ACSL3: variants seen among roughly 807,000 people sequenced by gnomAD.
ACSL3 encodes the protein fatty acid CoA ligase Acsl3.
Under a neutral mutation model 84.7 loss-of-function variants are expected in ACSL3, and 34 were observed. The ratio of observed to expected loss-of-function variants is 0.40; its 90% CI spans 0.31 to 0.53. ACSL3 has a LOEUF of 0.53. ACSL3 is among the 20% of genes least tolerant of loss of function. ACSL3 has a pLI of 0.48. For missense variants in ACSL3, 680 were observed against 873.1 expected (o/e 0.78, Z 2.79); for synonymous variants, 315 against 299.4 (o/e 1.05, Z -0.54).
chr2:222,933,464 C>CT, intron 15 of ACSL3, 184 bp downstream of exon 15: 1 of 501,820 alleles, frequency 2.0e-6, no homozygotes, highest in Admixed American at 3.6e-5. Flanking sequence ...TTCCCCTGAT[C>CT]TTTCTCTCTG....
rs1697383432 is a variant in ACSL3, at chr2:222,943,592, C to CTA, written c.*1940_*1941dup. 1 of 154,174 alleles carries CTA rather than the reference C, an allele frequency of 6.5e-6. No individual in the cohort carries two copies. Among genetic ancestry groups the CTA allele is most frequent in the Non-Finnish European group, 1.4e-5 (1 of 69,276 alleles). The allele number at this position is 154,174 out of a possible 1,614,324, so 9.6% of individuals were successfully genotyped here. On this transcript the variant is annotated 3_prime_UTR_variant, in exon 17 of 17. Coordinates refer to ENST00000357430, the MANE Select transcript of ACSL3 (RefSeq NM_004457.5). The stretch of plus-strand genomic sequence containing the variant: ...CCATCTAATGAGGCAGGCTTAAACT[C>CTA]TATTTAGTTTCGTTTGTTTTCTCAT...
At chr2:222,871,985 A>G (rs2106085057) in intron 1 of ACSL3, among the ~76,000 whole-genome samples, 1 of 151,190 alleles carries the variant, frequency 6.6e-6, no homozygotes, top group African/African-American at 2.4e-5. Context: ...GTTTTTGGTG[A>G]ACATAATAGT....
chr2:222,864,529 C>T (rs911389610), intron 1 of ACSL3, among the ~76,000 whole-genome samples: 5 of 152,078 alleles, frequency 3.3e-5, no homozygotes, highest in Non-Finnish European at 7.4e-5. Flanking sequence ...CTGTGGAATG[C>T]TCCTATGAGA....
rs142239636 is a variant in ACSL3 at position 222,899,851 on chromosome 2, G to T, written c.-147-823G>T. Reference sequence around the variant, plus strand: ...AAATTAGGAATGCCTTTGTTCTCCAGATATCGGGATATCTGGACACTCCCA... The same window carrying T: ...AAATTAGGAATGCCTTTGTTCTCCATATATCGGGATATCTGGACACTCCCA... On this transcript the variant is annotated intron_variant, in intron 2 of 16. Coordinates refer to ENST00000357430, the MANE Select transcript of ACSL3 (RefSeq NM_004457.5). 2.6e-5 allele frequency among the ~76,000 whole-genome samples: 4 copies of T among 152,222 alleles called. No individual in the cohort carries two copies. In the East Asian group the frequency reaches 7.7e-4, roughly 29 times the overall value.
At chr2:222,901,487 A>G (rs114799267) in intron 3 of ACSL3, among the ~76,000 whole-genome samples, 1,916 of 67,048 alleles carry the variant, frequency 0.029, 45 homozygotes, top group African/African-American at 0.11. Context: ...AAGACATATA[A>G]GTCATCCAAG....
At chr2:222,869,356 C>A (rs957411319) in intron 1 of ACSL3, among the ~76,000 whole-genome samples, 1 of 152,138 alleles carries the variant, frequency 6.6e-6, no homozygotes, top group African/African-American at 2.4e-5. Context: ...CTCTGGCTCC[C>A]CTGTCTTCTC....
chr2:222,873,285 A>G (rs966445147), intron 1 of ACSL3, among the ~76,000 whole-genome samples: 3 of 152,320 alleles, frequency 2.0e-5, no homozygotes, highest in South Asian at 2.1e-4. Flanking sequence ...TTGTTCGCCT[A>G]TTAAGGCCAA....
At chr2:222,907,657 T>A (rs1476859342) in intron 3 of ACSL3, among the ~76,000 whole-genome samples, 1 of 151,846 alleles carries the variant, frequency 6.6e-6, no homozygotes, top group Non-Finnish European at 1.5e-5. Context: ...CCCAACTGTT[T>A]GGGAGGCTGA....
chr2:222,939,586 G>A (rs1053200478), intron 16 of ACSL3, among the ~76,000 whole-genome samples: 1 of 152,198 alleles, frequency 6.6e-6, no homozygotes, highest in East Asian at 1.9e-4. Context: ...CACCCCAGAA[G>A]TCAGAATATT....
At chr2:222,931,983 C>T (rs1364460282) in intron 14 of ACSL3, among the ~76,000 whole-genome samples, 7 of 152,076 alleles carry the variant, frequency 4.6e-5, no homozygotes, top group African/African-American at 7.2e-5. Context: ...CCCAGGAGGC[C>T]GTGATTGTGC....
chr2:222,907,763 A>G (rs1696330712), intron 3 of ACSL3, among the ~76,000 whole-genome samples: 1 of 151,894 alleles, frequency 6.6e-6, no homozygotes, highest in Non-Finnish European at 1.5e-5. Flanking sequence ...CTTTAAAAAA[A>G]AAAAAAAAAA....
At chr2:222,938,618 A>C (rs1373634823) in intron 16 of ACSL3, among the ~76,000 whole-genome samples, 2 of 152,054 alleles carry the variant, frequency 1.3e-5, no homozygotes, top group Non-Finnish European at 2.9e-5. Flanking sequence ...GTTTTGGTGT[A>C]GTTCTCTTCC....
In ACSL3 at chr2:222,909,109, G is replaced by C. The variant is rs1285044325; in HGVS notation, c.337G>C (p.Glu113Gln). ...CTTGGGAACACGTGAAGTTTTAAAT[G>C]AGGAAGATGAAGTACAACCAAATGG... ...RLLGTREVLNEEDEVQPNGKI... is the reference protein window; with the variant it reads ...RLLGTREVLNQEDEVQPNGKI... Residue 113 changes from glutamate (E) to glutamine (Q), a missense_variant, in exon 4 of 17, where the codon GAG (glutamate) becomes CAG (glutamine). By Grantham distance (29) the Glu-to-Gln change is conservative (BLOSUM62 2). Around this residue, in one of 2 missense-constraint regions of ACSL3, gnomAD observed 333 missense variants for 347.5 expected, o/e 0.96. Coordinates refer to ENST00000357430, the MANE Select transcript of ACSL3 (RefSeq NM_004457.5). The C allele has an allele frequency of 6.2e-7, 1 of 1,603,190 alleles. No homozygotes were observed. The highest frequency in any genetic ancestry group is 2.2e-5 in the East Asian group (1 of 44,824).
chr2:222,865,828 A>G (rs1168907473), intron 1 of ACSL3, among the ~76,000 whole-genome samples: 1 of 143,514 alleles, frequency 7.0e-6, no homozygotes, highest in East Asian at 2.0e-4. Context: ...GTGTGTGTAC[A>G]CAGATGTGTA....
At chr2:222,924,373 C>A in intron 10 of ACSL3, 83 bp from the exon 11 acceptor site, 1 of 1,243,446 alleles carries the variant, frequency 8.0e-7, no homozygotes, top group Non-Finnish European at 1.1e-6. Flanking sequence ...CTTAATATTG[C>A]TAGAAATGTT....
At chr2:222,901,701 C>G (rs899887470) in intron 3 of ACSL3, among the ~76,000 whole-genome samples, 25 of 151,976 alleles carry the variant, frequency 1.6e-4, no homozygotes, top group African/African-American at 5.8e-4. Flanking sequence ...AATCCCAGCA[C>G]TTTGGGAGGC....
intron 1 of ACSL3, among the ~76,000 whole-genome samples, chr2:222,872,788 C>T (rs1303739882): frequency 2.0e-5 from 3 of 147,968 alleles, no homozygotes; most frequent in African/African-American, 5.0e-5. Flanking sequence ...GGTAGTGGGG[C>T]GGTGTGGTGG....
intron 16 of ACSL3, among the ~76,000 whole-genome samples, chr2:222,935,714 C>CT (rs1697152894): frequency 6.6e-5 from 10 of 152,130 alleles, no homozygotes; most frequent in Admixed American, 4.6e-4. Context: ...GTTAATACAT[C>CT]TTTTTTTACT....
chr2:222,870,118 T>G (rs79489935), intron 1 of ACSL3, among the ~76,000 whole-genome samples: 1 of 147,294 alleles, frequency 6.8e-6, no homozygotes, highest in East Asian at 2.0e-4. Context: ...TTTTTTTTTT[T>G]GGTCTGTAAT....
Sources: allele counts gnomAD v4.1 joint callset (sites outside exome capture counted in the v4.1 genomes callset), GRCh38; gene constraint gnomAD v4.1.1; regional missense constraint gnomAD v4.1.1; transcripts MANE v1.5; gene names NCBI Gene and HGNC (gene_info 2026-07-23, HGNC 2026-07-21).